ARHGAP26: variants seen among roughly 807,000 people sequenced by gnomAD.
ARHGAP26 encodes Rho GTPase activating protein 26.
A neutral mutation model predicts 104.8 loss-of-function variants in ARHGAP26; 38 were observed. That is an observed-to-expected ratio of 0.36 (90% CI 0.28 to 0.48). ARHGAP26 has a LOEUF of 0.48. ARHGAP26 is among the 20% of genes least tolerant of loss of function. The pLI is 0.99. For synonymous variants in ARHGAP26, 341 were observed against 340.0 expected, an observed-to-expected ratio of 1.00 and a Z score of -0.03; for missense variants, 704 against 947.9, an observed-to-expected ratio of 0.74 and a Z score of 3.38.
At chr5:143,210,563 T>A (rs1809293990) in intron 21 of ARHGAP26, among the ~76,000 whole-genome samples, 1 of 152,200 alleles carries the variant, frequency 6.6e-6, no homozygotes, top group African/African-American at 2.4e-5. Context: ...ATTCCCTCCG[T>A]ATTTCCCTTT....
intron 1 of ARHGAP26, among the ~76,000 whole-genome samples, chr5:142,793,279 T>C (rs1207296932): frequency 6.9e-6 from 1 of 145,254 alleles, no homozygotes; most frequent in Non-Finnish European, 1.5e-5. Flanking sequence ...TTTTTTAATC[T>C]ATCTTTCTTT....
At chr5:143,105,499 A>G (rs1279309021) in intron 17 of ARHGAP26, among the ~76,000 whole-genome samples, 2 of 152,246 alleles carry the variant, frequency 1.3e-5, no homozygotes. Context: ...ACGAAGATAG[A>G]AGCATTTTAT....
intron 11 of ARHGAP26, 129 bp from the exon 12 acceptor site, chr5:143,013,951 T>TG (rs1435043145): frequency 2.4e-6 from 2 of 832,186 alleles, no homozygotes; most frequent in Non-Finnish European, 2.0e-6. Flanking sequence ...GGTTCATGTT[T>TG]GGGAGCCAGA....
chr5:143,005,922 G>A (rs1777885062), intron 11 of ARHGAP26, among the ~76,000 whole-genome samples: 1 of 152,108 alleles, frequency 6.6e-6, no homozygotes, highest in Non-Finnish European at 1.5e-5. Flanking sequence ...ATTGTGTAGG[G>A]GAAGGGACTC....
chr5:142,931,994 ATC>A, intron 10 of ARHGAP26, 51 bp from the exon 11 acceptor site: 1 of 1,541,700 alleles, frequency 6.5e-7, no homozygotes. Context: ...GCCTTCACCA[ATC>A]TCTCTACATG....
At chr5:143,111,312 G>A (rs1222303828) in intron 17 of ARHGAP26, among the ~76,000 whole-genome samples, 2 of 152,178 alleles carry the variant, frequency 1.3e-5, no homozygotes, top group Non-Finnish European at 2.9e-5. Flanking sequence ...CCCTCTGTCT[G>A]TCAGTCTCTC....
At chr5:142,819,289 C>T (rs1274543770) in intron 1 of ARHGAP26, among the ~76,000 whole-genome samples, 2 of 151,924 alleles carry the variant, frequency 1.3e-5, no homozygotes, top group Non-Finnish European at 2.9e-5. Context: ...CCCAGTAGGT[C>T]AGAGGTCAAC....
intron 1 of ARHGAP26, among the ~76,000 whole-genome samples, chr5:142,864,654 A>G (rs1455463216): frequency 1.3e-5 from 2 of 152,186 alleles, no homozygotes; most frequent in African/African-American, 4.8e-5. Context: ...CCTTTCTCCA[A>G]CCTGCTGGTA....
chr5:143,112,031 C>G (rs1794840732), intron 17 of ARHGAP26, among the ~76,000 whole-genome samples: 1 of 152,192 alleles, frequency 6.6e-6, no homozygotes, highest in Non-Finnish European at 1.5e-5. Context: ...ACATGATACG[C>G]AAACTGCTAG....
At chr5:143,060,641 T>C (rs1786562454) in intron 17 of ARHGAP26, among the ~76,000 whole-genome samples, 1 of 151,854 alleles carries the variant, frequency 6.6e-6, no homozygotes, top group South Asian at 2.1e-4. Context: ...TGTTTGGATC[T>C]TGGAATCTAG....
chr5:143,145,926 T>C (rs1485615842), intron 19 of ARHGAP26, among the ~76,000 whole-genome samples: 2 of 152,140 alleles, frequency 1.3e-5, no homozygotes, highest in African/African-American at 4.8e-5. Context: ...ACATGACTCG[T>C]GCAAAGGGAA....
chr5:143,075,747 G>A (rs751077709), intron 17 of ARHGAP26, among the ~76,000 whole-genome samples: 1 of 152,152 alleles, frequency 6.6e-6, no homozygotes, highest in Non-Finnish European at 1.5e-5. Flanking sequence ...CACCCAGGCT[G>A]GAGTGCAGTG....
intron 12 of ARHGAP26, among the ~76,000 whole-genome samples, chr5:143,027,318 C>T (rs1170865612): frequency 6.6e-6 from 1 of 151,290 alleles, no homozygotes; most frequent in Non-Finnish European, 1.5e-5. Flanking sequence ...ATTACAGGCA[C>T]CTGCCACCAT....
At position 143,222,602 on chromosome 5, in the gene ARHGAP26, C is replaced by G; in HGVS notation, c.*156C>G. ...AATGTTTCTGTGAGCTCTGGTGTCA[C>G]TCATCTCCATGATCATCTCAGCCAA... On this transcript the variant is annotated 3_prime_UTR_variant, in exon 23 of 23. Coordinates refer to ENST00000645722, the MANE Select transcript of ARHGAP26 (RefSeq NM_001135608.3). 3 of 507,402 alleles carry G rather than the reference C, an allele frequency of 5.9e-6. No homozygotes were observed. The highest frequency in any genetic ancestry group is 4.1e-4 in the Middle Eastern group (1 of 2,460). The allele number at this position is 507,402 out of a possible 1,614,324, so 31.4% of individuals were successfully genotyped here. A position where few individuals can be genotyped will look rare whatever the true frequency, so the allele number is the denominator to read the frequency against.
At chr5:143,147,044 T>G (rs564825583) in intron 19 of ARHGAP26, among the ~76,000 whole-genome samples, 187 bp from the exon 20 acceptor site, 30 of 152,274 alleles carry the variant, frequency 2.0e-4, no homozygotes, top group African/African-American at 7.2e-4. Context: ...AAATTTCGAG[T>G]CACCTGTTCC....
intron 22 of ARHGAP26, among the ~76,000 whole-genome samples, chr5:143,215,807 C>A (rs149288099): frequency 6.6e-6 from 1 of 152,306 alleles, no homozygotes; most frequent in African/African-American, 2.4e-5. Flanking sequence ...AACCTTCTTC[C>A]TTTTTATGTG....
chr5:142,898,824 GC>G (rs1759867635), intron 6 of ARHGAP26, among the ~76,000 whole-genome samples: 1 of 152,160 alleles, frequency 6.6e-6, no homozygotes, highest in Non-Finnish European at 1.5e-5. Context: ...TCTCTTTGTT[GC>G]CTGTGCGGAT....
intron 12 of ARHGAP26, among the ~76,000 whole-genome samples, chr5:143,016,758 G>T (rs1487520232): frequency 1.3e-5 from 2 of 149,288 alleles, no homozygotes; most frequent in East Asian, 1.9e-4. Flanking sequence ...AATAGGAATT[G>T]TTTTTTTAGG....
At chr5:143,158,860 A>G (rs1443529492) in intron 20 of ARHGAP26, among the ~76,000 whole-genome samples, 3 of 150,644 alleles carry the variant, frequency 2.0e-5, no homozygotes, top group Non-Finnish European at 3.0e-5. Flanking sequence ...AGGGAAAACC[A>G]AGATGTTATT....
Sources: gnomAD v4.1 joint callset for allele counts (sites outside exome capture counted in the v4.1 genomes callset) on GRCh38, gnomAD v4.1.1 for gene constraint, MANE v1.5 for transcripts, NCBI Gene and HGNC (gene_info 2026-07-23, HGNC 2026-07-21) for gene names.